WWOX: variants seen among roughly 807,000 people sequenced by gnomAD.
WWOX encodes the protein WW domain containing oxidoreductase.
In WWOX, 69 loss-of-function variants were observed where a neutral mutation model predicts 46.2. The observed-to-expected ratio is 1.49, with a 90% confidence interval of 1.23 to 1.82. The LOEUF (loss-of-function observed/expected upper bound fraction) is 1.82, where lower values mean the gene tolerates loss of function less well. Among genes scored for constraint, WWOX ranks in the 40% most tolerant of loss-of-function variants. The probability of loss-of-function intolerance (pLI) is 0.00; values close to 1 mark genes in which losing one functional copy is unlikely to be tolerated. For synonymous variants in WWOX, 359 were observed against 202.6 expected, an observed-to-expected ratio of 1.77 and a Z score of -6.56; for missense variants, 919 against 542.6, an observed-to-expected ratio of 1.69 and a Z score of -6.89.
chr16:78,581,532 C>T (rs140352253), intron 8 of WWOX, among the ~76,000 whole-genome samples: 95 of 152,276 alleles, frequency 6.2e-4, no homozygotes, highest in Non-Finnish European at 1.0e-3. Flanking sequence ...TGTCGTCTTA[C>T]ACGTTAATGG....
intron 6 of WWOX, among the ~76,000 whole-genome samples, chr16:78,412,834 A>G (rs551980137): frequency 6.6e-6 from 1 of 152,324 alleles, no homozygotes; most frequent in East Asian, 1.9e-4. Context: ...ATGGAGATGA[A>G]TATTTCAAAA....
chr16:78,803,786 C>T (rs899039141), intron 8 of WWOX, among the ~76,000 whole-genome samples: 1 of 152,082 alleles, frequency 6.6e-6, no homozygotes, highest in African/African-American at 2.4e-5. Context: ...AGTAAAACCA[C>T]AGGGGATCTG....
chr16:78,287,490 G>C (rs981929946), intron 5 of WWOX, among the ~76,000 whole-genome samples: 10 of 152,152 alleles, frequency 6.6e-5, no homozygotes, highest in Admixed American at 4.6e-4. Context: ...AAAAAGAATT[G>C]TGTTATCGTC....
chr16:78,499,490 CCGT>C (rs1318424396), intron 8 of WWOX, among the ~76,000 whole-genome samples: 2 of 152,216 alleles, frequency 1.3e-5, no homozygotes, highest in African/African-American at 4.8e-5. Context: ...TGGAGATTTT[CCGT>C]TCTTTGGCAA....
intron 8 of WWOX, among the ~76,000 whole-genome samples, chr16:78,705,422 C>G (rs561274981): frequency 6.6e-6 from 1 of 152,304 alleles, no homozygotes; most frequent in South Asian, 2.1e-4. Context: ...GCGAAAGTGG[C>G]TGTAAAAATG....
chr16:78,715,114 C>G (rs900905756), intron 8 of WWOX, among the ~76,000 whole-genome samples: 2 of 151,846 alleles, frequency 1.3e-5, no homozygotes, highest in African/African-American at 4.8e-5. Context: ...GACCCCATCT[C>G]TATTAAGAAA....
chr16:78,516,694 C>G (rs902458768), intron 8 of WWOX, among the ~76,000 whole-genome samples: 1 of 152,142 alleles, frequency 6.6e-6, no homozygotes, highest in Non-Finnish European at 1.5e-5. Flanking sequence ...TTTGCACAGG[C>G]AAAAGTCCAG....
chr16:78,827,128 G>T (rs1435365288), intron 8 of WWOX, among the ~76,000 whole-genome samples: 3 of 152,088 alleles, frequency 2.0e-5, no homozygotes, highest in Non-Finnish European at 2.9e-5. Context: ...ATGCCTTTCT[G>T]TGGGGGCTAA....
chr16:78,786,684 C>G (rs1339659122), intron 8 of WWOX, among the ~76,000 whole-genome samples: 4 of 152,126 alleles, frequency 2.6e-5, no homozygotes, highest in African/African-American at 7.2e-5. Context: ...GTAAAAGTAA[C>G]TCTGTGCCCA....
At chr16:79,181,606 A>C (rs1021323104) in intron 8 of WWOX, among the ~76,000 whole-genome samples, 7 of 152,024 alleles carry the variant, frequency 4.6e-5, no homozygotes, top group African/African-American at 1.7e-4. Context: ...GTTGTACCAA[A>C]GTTTGCTTAA....
chr16:78,637,527 C>T (rs998756762), intron 8 of WWOX, among the ~76,000 whole-genome samples: 3 of 152,136 alleles, frequency 2.0e-5, no homozygotes, highest in African/African-American at 7.2e-5. Context: ...TGATGTAACT[C>T]ATCAGTGGTC....
chr16:78,937,851 C>G (rs1465922591), intron 8 of WWOX, among the ~76,000 whole-genome samples: 2 of 152,210 alleles, frequency 1.3e-5, no homozygotes, highest in East Asian at 1.9e-4. Context: ...TGGTCTGGAA[C>G]TCCTGAGGTC....
chr16:79,148,999 T>C (rs2050229914), intron 8 of WWOX, among the ~76,000 whole-genome samples: 2 of 152,184 alleles, frequency 1.3e-5, no homozygotes, highest in South Asian at 4.1e-4. Flanking sequence ...GAGAATTTTA[T>C]TTCTTCCTTT....
chr16:78,944,890 T>C (rs1292032521), intron 8 of WWOX, among the ~76,000 whole-genome samples: 1 of 152,028 alleles, frequency 6.6e-6, no homozygotes, highest in East Asian at 1.9e-4. Context: ...GAAAAACTTT[T>C]CCTAAAGGCC....
At chr16:78,443,399 C>T (rs1176992000) in intron 8 of WWOX, among the ~76,000 whole-genome samples, 2 of 152,170 alleles carry the variant, frequency 1.3e-5, no homozygotes, top group East Asian at 1.9e-4. Flanking sequence ...CAGGCTTCCA[C>T]AGTGCAGATT....
chr16:78,516,574 C>T (rs917211795), intron 8 of WWOX, among the ~76,000 whole-genome samples: 1 of 152,160 alleles, frequency 6.6e-6, no homozygotes, highest in Non-Finnish European at 1.5e-5. Context: ...ATCATGCATA[C>T]TTGGCCTGTT....
intron 8 of WWOX, among the ~76,000 whole-genome samples, chr16:79,067,784 G>A (rs1320846679): frequency 2.0e-5 from 3 of 152,116 alleles, no homozygotes; most frequent in African/African-American, 4.8e-5. Context: ...TATTACTGAG[G>A]ACTTTGTGGT....
intron 8 of WWOX, among the ~76,000 whole-genome samples, chr16:79,202,380 G>C (rs573184507): frequency 6.6e-6 from 1 of 152,248 alleles, no homozygotes; most frequent in Non-Finnish European, 1.5e-5. Flanking sequence ...CACGGTAAAG[G>C]AACAACAAAT....
rs544482530 is a variant in WWOX, at chr16:78,457,984, C to G, written c.1056+25232C>G. 1.5e-4 allele frequency among the ~76,000 whole-genome samples: 22 copies of G among 150,520 alleles called. No individual in the cohort carries two copies. The East Asian group carries it at 2.3e-3, about 16-fold the overall frequency. ...TCACAGCTATCCAGAGGCTGAGGCACCAGAACTGCCTGAACCTGGGAGGCG... is the reference window on the plus strand; with the variant it reads ...TCACAGCTATCCAGAGGCTGAGGCAGCAGAACTGCCTGAACCTGGGAGGCG... On this transcript the variant is annotated intron_variant, in intron 8 of 8. Coordinates refer to ENST00000566780, the MANE Select transcript of WWOX (RefSeq NM_016373.4).
Sources: allele counts gnomAD v4.1 joint callset (sites outside exome capture counted in the v4.1 genomes callset), GRCh38; gene constraint gnomAD v4.1.1; transcripts MANE v1.5; gene names NCBI Gene and HGNC (gene_info 2026-07-23, HGNC 2026-07-21).